Variants in AGAP1 observed in about 807,000 individuals in gnomAD.
The protein encoded by AGAP1 is arf-GAP with GTPase, ANK repeat and PH domain-containing protein 1.
A neutral mutation model predicts 105.3 loss-of-function variants in AGAP1; 29 were observed. That is an observed-to-expected ratio of 0.28 (90% CI 0.21 to 0.38). The LOEUF (loss-of-function observed/expected upper bound fraction) is 0.38, where lower values mean the gene tolerates loss of function less well. AGAP1 is among the 10% of genes least tolerant of loss of function. AGAP1 has a pLI of 1.00. For synonymous variants in AGAP1, 509 were observed against 485.9 expected (o/e 1.05, Z -0.63); for missense variants, 998 against 1,165.1 (o/e 0.86, Z 2.09).
At chr2:235,796,911 G>T in intron 6 of AGAP1, among the ~76,000 whole-genome samples, 1 of 152,264 alleles carries the variant, frequency 6.6e-6, no homozygotes, top group Middle Eastern at 3.4e-3. Context: ...TTTTCTAATC[G>T]TTGACTTCCT....
chr2:235,697,460 C>G (rs925024584), intron 1 of AGAP1, among the ~76,000 whole-genome samples: 1 of 152,238 alleles, frequency 6.6e-6, no homozygotes, highest in Non-Finnish European at 1.5e-5. Flanking sequence ...CAATGCTTCT[C>G]TGTGAGTGAC....
In AGAP1 at chr2:235,925,743, T is replaced by G. The variant is rs536802373; in HGVS notation, c.1325-5022T>G. Among the ~76,000 whole-genome samples the G allele has an allele frequency of 2.0e-5, 3 of 152,342 alleles. No homozygotes were observed. The South Asian group carries it at 6.2e-4, about 32-fold the overall frequency. On this transcript the variant is annotated intron_variant, in intron 11 of 17. Coordinates refer to ENST00000304032, the MANE Select transcript of AGAP1 (RefSeq NM_001037131.3). Reference sequence around the variant, plus strand: ...GTCCCCTGCCCTTCAGCCTGGTTGCTGGGTATGAGGCCTCCACCTCGGCAG... The same window carrying G: ...GTCCCCTGCCCTTCAGCCTGGTTGCGGGGTATGAGGCCTCCACCTCGGCAG...
intron 13 of AGAP1, among the ~76,000 whole-genome samples, chr2:235,975,917 A>G (rs191182573): frequency 6.6e-6 from 1 of 152,320 alleles, no homozygotes; most frequent in East Asian, 1.9e-4. Context: ...TATTAATTAA[A>G]CTTCCTTATT....
Position 235,965,171 on chromosome 2 carries a change from G to C in AGAP1, c.1484-3291G>C, listed in dbSNP as rs2054339918. 6.6e-6 allele frequency among the ~76,000 whole-genome samples: 1 copy of C among 152,232 alleles called. No individual in the cohort carries two copies. The highest frequency in any genetic ancestry group is 1.9e-4 in the East Asian group (1 of 5,198). ...CAGTTTCAAGGGTGAAGCCCAAGGT[G>C]ATAGCAGAGAAAGCTGCCCGGAATG... On this transcript the variant is annotated intron_variant, in intron 12 of 17. Coordinates refer to ENST00000304032, the MANE Select transcript of AGAP1 (RefSeq NM_001037131.3). The surrounding 1 kb of genome is among the most constrained non-coding windows in gnomAD (Gnocchi z 5.8).
At chr2:235,997,484 A>AG (rs2055869525) in intron 13 of AGAP1, among the ~76,000 whole-genome samples, 1 of 152,174 alleles carries the variant, frequency 6.6e-6, no homozygotes, top group Admixed American at 6.5e-5. Context: ...CCTTAAGGTT[A>AG]GTGTTTGGTA....
At chr2:235,587,351 C>T (rs1945147045) in intron 1 of AGAP1, among the ~76,000 whole-genome samples, 1 of 152,134 alleles carries the variant, frequency 6.6e-6, no homozygotes, top group Non-Finnish European at 1.5e-5. Flanking sequence ...GCGCATCCTC[C>T]TTGTAGTAAC....
In AGAP1 at chr2:235,769,205, G is replaced by T. The variant is rs964839463; in HGVS notation, c.673+18717G>T. 1.3e-5 allele frequency among the ~76,000 whole-genome samples: 2 copies of T among 152,138 alleles called. No individual in the cohort carries two copies. The highest frequency in any genetic ancestry group is 2.9e-5 in the Non-Finnish European group (2 of 68,026). ...TGCTGCTACCTTGGGGCCCAGGCGTGTCTTTTGTCCCCCAGTGCCTGGCAC... is the reference window on the plus strand; with the variant it reads ...TGCTGCTACCTTGGGGCCCAGGCGTTTCTTTTGTCCCCCAGTGCCTGGCAC... On this transcript the variant is annotated intron_variant, in intron 6 of 17. Coordinates refer to ENST00000304032, the MANE Select transcript of AGAP1 (RefSeq NM_001037131.3). The surrounding 1 kb of genome is among the most constrained non-coding windows in gnomAD (Gnocchi z 4.4).
At chr2:235,646,145 G>A (rs1947375541) in intron 1 of AGAP1, among the ~76,000 whole-genome samples, 1 of 151,834 alleles carries the variant, frequency 6.6e-6, no homozygotes, top group South Asian at 2.1e-4. Flanking sequence ...CGTGGTGGTG[G>A]GTGCCTGTAA....
chr2:235,637,148 G>T (rs1258265110), intron 1 of AGAP1, among the ~76,000 whole-genome samples: 1 of 152,164 alleles, frequency 6.6e-6, no homozygotes, highest in Non-Finnish European at 1.5e-5. Flanking sequence ...CTCACTGTGG[G>T]ATTCAGCATC....
intron 1 of AGAP1, among the ~76,000 whole-genome samples, chr2:235,652,483 CTCTA>C (rs1469746526): frequency 6.6e-6 from 1 of 152,148 alleles, no homozygotes; most frequent in Admixed American, 6.5e-5. Flanking sequence ...AGAGAGCAGC[CTCTA>C]TCTGTCTGGG....
Position 235,799,952 on chromosome 2 carries a change from G to T in AGAP1, c.957+430G>T, listed in dbSNP as rs960574676. The stretch of plus-strand genomic sequence containing the variant: ...GCCTGGCGCTGCCCTCGGGGTGGAG[G>T]TGGGGGACTGGGAGGTGCTTCCTGG... On this transcript the variant is annotated intron_variant, in intron 8 of 17. Transcript: ENST00000304032. The surrounding 1 kb of genome is among the most constrained non-coding windows in gnomAD (Gnocchi z 5.0). Among the ~76,000 whole-genome samples the T allele has an allele frequency of 1.3e-5, 2 of 152,086 alleles. No homozygotes were observed. Among genetic ancestry groups the T allele is most frequent in the East Asian group, 1.9e-4 (1 of 5,166 alleles).
At chr2:235,676,947 A>G (rs1255924090) in intron 1 of AGAP1, among the ~76,000 whole-genome samples, 2 of 152,104 alleles carry the variant, frequency 1.3e-5, no homozygotes, top group Admixed American at 1.3e-4. Context: ...GGAGGAGATT[A>G]TTGTCTTTTC....
chr2:235,794,226 C>G (rs536526093), intron 6 of AGAP1, among the ~76,000 whole-genome samples: 1 of 152,268 alleles, frequency 6.6e-6, no homozygotes, highest in African/African-American at 2.4e-5. Context: ...TATCTTTTAT[C>G]TGTTAACCCA....
Position 235,891,219 on chromosome 2 carries a change from C to T in AGAP1, c.1155+7770C>T, listed in dbSNP as rs561829871. On this transcript the variant is annotated intron_variant, in intron 10 of 17. Coordinates refer to ENST00000304032, the MANE Select transcript of AGAP1 (RefSeq NM_001037131.3). This position sits in a 1 kb window ranked among gnomAD's most constrained non-coding sequence, Gnocchi z 4.2. Reference sequence around the variant, plus strand: ...CCTAACAGCTCCTTTATCTCCACTTCGCATTTTGCAATGATAACCCTAAAC... The same window carrying T: ...CCTAACAGCTCCTTTATCTCCACTTTGCATTTTGCAATGATAACCCTAAAC... Among the ~76,000 whole-genome samples the T allele has an allele frequency of 1.3e-5, 2 of 152,244 alleles. No homozygotes were observed. The highest frequency in any genetic ancestry group is 4.8e-5 in the African/African-American group (2 of 41,552).
rs1413690467 is a variant in AGAP1, at chr2:236,078,172, GTGTA to G, written c.2114+28893_2114+28896del. Reference sequence around the variant, plus strand: ...CAGCCGGGGGTGTGTGTGTGTGTGTGTGTATATGTATGTGTGTGTGTCACATCTG... The same window carrying G: ...CAGCCGGGGGTGTGTGTGTGTGTGTGTATGTATGTGTGTGTGTCACATCTG... On this transcript the variant is annotated intron_variant, in intron 16 of 17. Transcript: ENST00000304032. The surrounding 1 kb of genome is among the most constrained non-coding windows in gnomAD (Gnocchi z 5.3). Among the ~76,000 whole-genome samples the G allele has an allele frequency of 6.6e-6, 1 of 151,690 alleles. No homozygotes were observed. Among genetic ancestry groups the G allele is most frequent in the African/African-American group, 2.4e-5 (1 of 41,124 alleles).
intron 16 of AGAP1, among the ~76,000 whole-genome samples, chr2:236,091,556 A>C (rs1438566006): frequency 6.6e-6 from 1 of 152,190 alleles, no homozygotes; most frequent in Non-Finnish European, 1.5e-5. Flanking sequence ...AGATAGCTTG[A>C]GCCACGAGAG....
In AGAP1 at chr2:235,611,397, C is replaced by T. The variant is rs1208263797; in HGVS notation, c.164-97782C>T. 1.3e-5 allele frequency among the ~76,000 whole-genome samples: 2 copies of T among 152,192 alleles called. No individual in the cohort carries two copies. Among genetic ancestry groups the T allele is most frequent in the Admixed American group, 6.5e-5 (1 of 15,276 alleles). ...AAGGTCATGGCCATCCTCAATGCAG[C>T]CTTCATATTTTCATAATGAATAGTT... On this transcript the variant is annotated intron_variant, in intron 1 of 17. Transcript: ENST00000304032. This position sits in a 1 kb window ranked among gnomAD's most constrained non-coding sequence, Gnocchi z 5.0.
chr2:236,041,014 A>G (rs1559217741), intron 15 of AGAP1, among the ~76,000 whole-genome samples, 173 bp downstream of exon 15: 1 of 152,122 alleles, frequency 6.6e-6, no homozygotes, highest in African/African-American at 2.4e-5. Context: ...AGTGCCTTCC[A>G]CACAAGCCTC....
intron 1 of AGAP1, among the ~76,000 whole-genome samples, chr2:235,672,947 A>C (rs892010430): frequency 2.6e-5 from 4 of 152,204 alleles, no homozygotes; most frequent in Non-Finnish European, 5.9e-5. Context: ...GGGCGGAATT[A>C]CTTTGGTCTG....
Sources: gnomAD v4.1 joint callset for allele counts (sites outside exome capture counted in the v4.1 genomes callset) on GRCh38, gnomAD v4.1.1 for gene constraint, Gnocchi (gnomAD v3.1) non-coding constraint, MANE v1.5 for transcripts, NCBI Gene and HGNC (gene_info 2026-07-23, HGNC 2026-07-21) for gene names.